SDK1: variants seen among roughly 807,000 people sequenced by gnomAD.
SDK1 encodes sidekick cell adhesion molecule 1, also known as protein sidekick-1.
In SDK1, 157 loss-of-function variants were observed where a neutral mutation model predicts 245.5. The observed-to-expected ratio is 0.64, with a 90% CI of 0.56 to 0.73. The LOEUF (loss-of-function observed/expected upper bound fraction) is 0.73. Ranked by LOEUF, SDK1 falls within the 30% of genes least tolerant of loss-of-function variation. The pLI, the probability that SDK1 is intolerant of heterozygous loss-of-function variation, is 0.00. For synonymous variants in SDK1, 1,647 were observed against 1,278.5 expected (o/e 1.29, Z -6.15); for missense variants, 3,583 against 3,002.3 (o/e 1.19, Z -4.52).
chr7:4,035,941 C>T (rs760130498), intron 17 of SDK1, among the ~76,000 whole-genome samples: 2 of 152,164 alleles, frequency 1.3e-5, no homozygotes, highest in Non-Finnish European at 2.9e-5. Flanking sequence ...GCTTCAAGTA[C>T]ATTTCAATCC....
intron 4 of SDK1, among the ~76,000 whole-genome samples, chr7:3,654,261 G>T (rs1172212118): frequency 6.6e-6 from 1 of 152,166 alleles, no homozygotes; most frequent in Non-Finnish European, 1.5e-5. Flanking sequence ...GGCACAGCGG[G>T]AGTCCCCTTG....
intron 1 of SDK1, among the ~76,000 whole-genome samples, chr7:3,455,619 A>C (rs897377961): frequency 1.3e-5 from 2 of 151,878 alleles, no homozygotes; most frequent in Non-Finnish European, 2.9e-5. Flanking sequence ...TGGCTTCTCT[A>C]CTCTGTTCCA....
chr7:4,080,132 C>T (rs572235480), intron 22 of SDK1, among the ~76,000 whole-genome samples: 12 of 151,936 alleles, frequency 7.9e-5, no homozygotes, highest in East Asian at 3.9e-4. Flanking sequence ...TGAGGGACAG[C>T]GAGGAGGGTG....
At chr7:4,204,710 G>A (rs929681866) in intron 35 of SDK1, among the ~76,000 whole-genome samples, 3 of 152,222 alleles carry the variant, frequency 2.0e-5, no homozygotes, top group Non-Finnish European at 2.9e-5. Flanking sequence ...GGCGGCAGGC[G>A]GAGAGGAGTG....
intron 8 of SDK1, among the ~76,000 whole-genome samples, chr7:3,962,440 C>A (rs546015862): frequency 6.6e-6 from 1 of 152,186 alleles, no homozygotes; most frequent in South Asian, 2.1e-4. Context: ...GCAGCCAGGG[C>A]GGCCACAGTT....
intron 1 of SDK1, among the ~76,000 whole-genome samples, chr7:3,553,484 C>G (rs188615942): frequency 5.3e-5 from 8 of 152,238 alleles, no homozygotes; most frequent in African/African-American, 1.7e-4. Context: ...AAAGGACTGA[C>G]ACAATGGCAG....
intron 17 of SDK1, among the ~76,000 whole-genome samples, chr7:4,019,477 G>A (rs752487497): frequency 9.2e-5 from 14 of 152,140 alleles, no homozygotes; most frequent in African/African-American, 1.4e-4. Flanking sequence ...GTGGGGTCCC[G>A]CCTCCATGTC....
At chr7:4,043,824 G>T (rs183231045) in intron 17 of SDK1, among the ~76,000 whole-genome samples, 4 of 151,936 alleles carry the variant, frequency 2.6e-5, no homozygotes. Flanking sequence ...ATTGGGCTTC[G>T]TGAAACCCCA....
intron 1 of SDK1, among the ~76,000 whole-genome samples, chr7:3,333,945 G>A (rs1780134124): frequency 6.6e-6 from 1 of 152,180 alleles, no homozygotes; most frequent in Non-Finnish European, 1.5e-5. Flanking sequence ...GGCTGTTGCT[G>A]CTCCACTGCT....
chr7:3,900,652 A>G (rs1338958115), intron 5 of SDK1, among the ~76,000 whole-genome samples: 1 of 152,102 alleles, frequency 6.6e-6, no homozygotes, highest in East Asian at 1.9e-4. Context: ...TGTAAGGTGA[A>G]TTAACTGAAT....
At chr7:3,924,456 G>T (rs1380370930) in intron 5 of SDK1, among the ~76,000 whole-genome samples, 4 of 152,200 alleles carry the variant, frequency 2.6e-5, no homozygotes, top group African/African-American at 9.7e-5. Context: ...GTGACGGGGT[G>T]TGATCTCCCC....
intron 4 of SDK1, among the ~76,000 whole-genome samples, chr7:3,664,233 G>T (rs1243531394): frequency 2.0e-5 from 3 of 152,086 alleles, no homozygotes; most frequent in Non-Finnish European, 4.4e-5. Flanking sequence ...GAGGTGTGCG[G>T]AGGAGCTCCG....
At chr7:3,629,250 G>A (rs1245459033) in intron 2 of SDK1, among the ~76,000 whole-genome samples, 1 of 150,674 alleles carries the variant, frequency 6.6e-6, no homozygotes, top group Non-Finnish European at 1.5e-5. Context: ...GCAGTGAGCT[G>A]AGATCTCGCC....
At chr7:3,661,832 A>C (rs1298951412) in intron 4 of SDK1, among the ~76,000 whole-genome samples, 1 of 152,086 alleles carries the variant, frequency 6.6e-6, no homozygotes, top group Non-Finnish European at 1.5e-5. Context: ...CGGGCACCAC[A>C]CTTTCCTGTT....
At chr7:3,798,192 C>A (rs1406554762) in intron 4 of SDK1, among the ~76,000 whole-genome samples, 1 of 139,872 alleles carries the variant, frequency 7.1e-6, no homozygotes, top group Non-Finnish European at 1.5e-5. Context: ...GTGACCTTGT[C>A]TTCCATGACC....
intron 38 of SDK1, among the ~76,000 whole-genome samples, chr7:4,216,803 G>A (rs1178424411): frequency 1.3e-5 from 2 of 152,092 alleles, no homozygotes; most frequent in African/African-American, 4.8e-5. Context: ...GCAAATAGAG[G>A]GTACAGCATT....
chr7:4,156,383 AT>A (rs376516856), intron 30 of SDK1, among the ~76,000 whole-genome samples: 77 of 152,332 alleles, frequency 5.1e-4, no homozygotes, highest in African/African-American at 1.7e-3. Flanking sequence ...AGCAAAGGTC[AT>A]TTTTATGGTC....
At chr7:3,665,321 C>A (rs1783492321) in intron 4 of SDK1, among the ~76,000 whole-genome samples, 1 of 152,190 alleles carries the variant, frequency 6.6e-6, no homozygotes, top group South Asian at 2.1e-4. Context: ...ACAGTTTGAG[C>A]AGATTCTGCA....
In SDK1 at chr7:3,554,335, CTATT is replaced by C. The variant is rs1296238816; in HGVS notation, c.299-64744_299-64741del. Among the ~76,000 whole-genome samples, 9 of 152,142 alleles carry C rather than the reference CTATT, an allele frequency of 5.9e-5. No homozygotes were observed. The East Asian group carries it at 9.7e-4, about 16-fold the overall frequency. On this transcript the variant is annotated intron_variant, in intron 1 of 44. Transcript: ENST00000404826. ...AAACAGGTAAAAATGAAACAACACA[CTATT>C]AAATAATACATGATTTAAAGATCAA...
Sources: allele counts gnomAD v4.1 joint callset (sites outside exome capture counted in the v4.1 genomes callset), GRCh38; gene constraint gnomAD v4.1.1; transcripts MANE v1.5; gene names NCBI Gene and HGNC (gene_info 2026-07-23, HGNC 2026-07-21).